COL22A1: variants seen among roughly 807,000 people sequenced by gnomAD.
COL22A1 encodes the protein collagen alpha-1(XXII) chain.
Under a neutral mutation model 248.9 loss-of-function variants are expected in COL22A1, and 221 were observed. The ratio of observed to expected loss-of-function variants is 0.89; its 90% CI spans 0.80 to 0.99. The LOEUF (loss-of-function observed/expected upper bound fraction) is 0.99. Ranked by LOEUF, COL22A1 falls within the 50% of genes least tolerant of loss-of-function variation. COL22A1 has a pLI of 0.00. For synonymous variants in COL22A1, 891 were observed against 793.4 expected, an observed-to-expected ratio of 1.12 and a Z score of -2.07; for missense variants, 2,240 against 2,179.0, an observed-to-expected ratio of 1.03 and a Z score of -0.56.
chr8:138,776,126 G>C, intron 15 of COL22A1, 116 bp from the exon 16 acceptor site: 1 of 980,334 alleles, frequency 1.0e-6, no homozygotes, highest in South Asian at 1.3e-5. Context: ...TGGCAGGGAT[G>C]GTGATAGTGA....
At chr8:138,600,325 G>A (rs944639433) in intron 60 of COL22A1, among the ~76,000 whole-genome samples, 3 of 152,214 alleles carry the variant, frequency 2.0e-5, no homozygotes, top group African/African-American at 4.8e-5. Flanking sequence ...AGAGACACCA[G>A]ATGGTAATCG....
chr8:138,763,127 C>T (rs1833634152), intron 16 of COL22A1, among the ~76,000 whole-genome samples: 1 of 152,176 alleles, frequency 6.6e-6, no homozygotes, highest in Non-Finnish European at 1.5e-5. Context: ...TGGCTCACAC[C>T]TGTCATCCCA....
At chr8:138,761,853 T>A (rs1212534751) in intron 17 of COL22A1, among the ~76,000 whole-genome samples, 1 of 152,208 alleles carries the variant, frequency 6.6e-6, no homozygotes, top group Non-Finnish European at 1.5e-5. Flanking sequence ...TATCATCGTC[T>A]TATGTCTTCT....
intron 60 of COL22A1, among the ~76,000 whole-genome samples, chr8:138,601,330 C>T (rs1332506642): frequency 1.3e-5 from 2 of 152,158 alleles, no homozygotes; most frequent in African/African-American, 4.8e-5. Context: ...CCCCACTTTT[C>T]TCACTCCTCT....
At chr8:138,815,963 CTT>C (rs1818653077) in intron 7 of COL22A1, among the ~76,000 whole-genome samples, 1 of 152,198 alleles carries the variant, frequency 6.6e-6, no homozygotes, top group Admixed American at 6.5e-5. Context: ...ACCCCACTGA[CTT>C]TGTTCAGCAG....
At chr8:138,620,975 AT>A (rs1819744987) in intron 52 of COL22A1, among the ~76,000 whole-genome samples, 1 of 117,634 alleles carries the variant, frequency 8.5e-6, no homozygotes, top group Non-Finnish European at 2.0e-5. Flanking sequence ...CCATCCATCC[AT>A]CCATCCATCC....
At chr8:138,888,310 G>A (rs1447723495) in intron 1 of COL22A1, among the ~76,000 whole-genome samples, 1 of 152,136 alleles carries the variant, frequency 6.6e-6, no homozygotes, top group Admixed American at 6.5e-5. Context: ...CACAGAGGTG[G>A]GGATGTCCAT....
At chr8:138,716,968 CCA>C (rs1829487898) in intron 27 of COL22A1, 99 bp from the exon 28 acceptor site, 2 of 894,288 alleles carry the variant, frequency 2.2e-6, no homozygotes, top group Admixed American at 3.5e-5. Flanking sequence ...CACCTGCCAG[CCA>C]CAACCCTTAA....
At chr8:138,611,622 T>C (rs1818871108) in intron 56 of COL22A1, among the ~76,000 whole-genome samples, 1 of 152,238 alleles carries the variant, frequency 6.6e-6, no homozygotes, top group Non-Finnish European at 1.5e-5. Flanking sequence ...GCTGTATCCA[T>C]ATCTGCATTT....
chr8:138,900,312 G>C (rs1261389352), intron 1 of COL22A1, among the ~76,000 whole-genome samples: 1 of 152,182 alleles, frequency 6.6e-6, no homozygotes, highest in Non-Finnish European at 1.5e-5. Context: ...TCCTTCTAAA[G>C]AGCAATAGCA....
At chr8:138,822,554 T>G (rs187460641) in intron 6 of COL22A1, among the ~76,000 whole-genome samples, 1 of 152,294 alleles carries the variant, frequency 6.6e-6, no homozygotes, top group African/African-American at 2.4e-5. Flanking sequence ...AAATAGTATT[T>G]CCTTGTTCCA....
At chr8:138,807,391 G>T (rs1196459129) in intron 10 of COL22A1, among the ~76,000 whole-genome samples, 1 of 152,162 alleles carries the variant, frequency 6.6e-6, no homozygotes, top group East Asian at 1.9e-4. Context: ...GTGTTTAAAG[G>T]GTCATGCAGT....
At chr8:138,686,952 A>AT (rs1224233007) in intron 37 of COL22A1, among the ~76,000 whole-genome samples, 6 of 152,000 alleles carry the variant, frequency 3.9e-5, no homozygotes, top group Admixed American at 2.0e-4. Context: ...TGTTATTATT[A>AT]TTATTTATTA....
intron 12 of COL22A1, among the ~76,000 whole-genome samples, chr8:138,791,637 G>A (rs1215884451): frequency 6.6e-6 from 1 of 152,164 alleles, no homozygotes; most frequent in East Asian, 1.9e-4. Flanking sequence ...AGAACTCTCA[G>A]GTGGATTTCC....
intron 50 of COL22A1, among the ~76,000 whole-genome samples, chr8:138,630,039 ATG>A (rs1820578122): frequency 6.6e-6 from 1 of 152,184 alleles, no homozygotes; most frequent in African/African-American, 2.4e-5. Flanking sequence ...AGGAATATTT[ATG>A]TACCATATAT....
At chr8:138,712,433 C>T (rs1031181518) in intron 30 of COL22A1, among the ~76,000 whole-genome samples, 3 of 152,222 alleles carry the variant, frequency 2.0e-5, no homozygotes, top group East Asian at 3.9e-4. Context: ...GGTGGGACTC[C>T]CAACCCTGTC....
At chr8:138,852,529 G>A (rs1821720584) in intron 3 of COL22A1, among the ~76,000 whole-genome samples, 1 of 152,186 alleles carries the variant, frequency 6.6e-6, no homozygotes, top group Non-Finnish European at 1.5e-5. Flanking sequence ...TGTAAGCTCA[G>A]CTTTCAGATT....
chr8:138,685,066 C>A lies in COL22A1; in HGVS notation c.2967+142G>T, dbSNP rs934331831. 1.1e-5 allele frequency: 7 copies of A among 656,644 alleles called. No individual in the cohort carries two copies. The Admixed American group carries it at 1.7e-4, about 15-fold the overall frequency. The allele number at this position is 656,644 out of a possible 1,614,324, so 40.7% of individuals were successfully genotyped here. A position where few individuals can be genotyped will look rare whatever the true frequency, so the allele number is the denominator to read the frequency against. On this transcript the variant is annotated intron_variant, in intron 38 of 64. Transcript: ENST00000303045. ...AGTCCATGAGGTTGTGCTGCCCTAG[C>A]CTGAACCCCTTTCCCAACCAGGCCC... is the stretch of plus-strand genomic sequence containing the variant.
In COL22A1 at chr8:138,619,502, C is replaced by T; in HGVS notation, c.3778G>A (p.Ala1260Thr). Residue 1260 changes from alanine to threonine, a missense_variant, in exon 53 of 65, where the codon GCA (alanine) becomes ACA (threonine). By Grantham distance (58) the Ala-to-Thr change is moderately conservative. Transcript: ENST00000303045. The stretch of plus-strand genomic sequence containing the variant: ...GGTCCTGGTAGACCTGGCTCTCCTG[C>T]TTTGCCCTGAGAGTAAGGAAGAAAA... ...KPGPPGEPGK[A>T]GEPGLPGPEG... 6.2e-7 allele frequency: 1 copy of T among 1,614,078 alleles called. No homozygotes were observed. The highest frequency in any genetic ancestry group is 8.5e-7 in the Non-Finnish European group (1 of 1,179,932).
Sources: allele counts gnomAD v4.1 joint callset (sites outside exome capture counted in the v4.1 genomes callset), GRCh38; gene constraint gnomAD v4.1.1; transcripts MANE v1.5; gene names NCBI Gene and HGNC (gene_info 2026-07-23, HGNC 2026-07-21).